DPY19L1: variants seen among roughly 807,000 people sequenced by gnomAD.
The protein encoded by DPY19L1 is protein C-mannosyl-transferase DPY19L1.
In DPY19L1, 35 loss-of-function variants were observed where a neutral mutation model predicts 96.9. The observed-to-expected ratio is 0.36, with a 90% CI of 0.28 to 0.48. The LOEUF is 0.48. Ranked by LOEUF, DPY19L1 falls within the 20% of genes least tolerant of loss-of-function variation. The probability of loss-of-function intolerance (pLI) is 0.99; values close to 1 mark genes in which losing one functional copy is unlikely to be tolerated. For synonymous variants in DPY19L1, 205 were observed against 252.6 expected (o/e 0.81, Z 1.79); for missense variants, 521 against 777.9 (o/e 0.67, Z 3.93).
chr7:35,011,702 A>G (rs767664202), intron 4 of DPY19L1, among the ~76,000 whole-genome samples: 1 of 152,216 alleles, frequency 6.6e-6, no homozygotes, highest in Non-Finnish European at 1.5e-5. Context: ...GTTTTTCAAA[A>G]GCTCTACAAC....
chr7:34,932,585 G>C (rs1355508505), intron 21 of DPY19L1, among the ~76,000 whole-genome samples: 1 of 152,122 alleles, frequency 6.6e-6, no homozygotes, highest in Non-Finnish European at 1.5e-5. Flanking sequence ...CGATATTCTA[G>C]AATGAATCAA....
At chr7:34,989,332 A>G (rs1785114410) in intron 7 of DPY19L1, among the ~76,000 whole-genome samples, 1 of 152,144 alleles carries the variant, frequency 6.6e-6, no homozygotes, top group South Asian at 2.1e-4. Context: ...TTGATACTTG[A>G]GGGCAGGCGT....
chr7:35,007,329 G>T (rs1465439709), intron 6 of DPY19L1, among the ~76,000 whole-genome samples: 2 of 152,186 alleles, frequency 1.3e-5, no homozygotes, highest in Non-Finnish European at 2.9e-5. Flanking sequence ...ATGAAAACAT[G>T]TGCTGCTAGT....
At chr7:34,933,785 G>C (rs1460441217) in intron 21 of DPY19L1, among the ~76,000 whole-genome samples, 1 of 152,174 alleles carries the variant, frequency 6.6e-6, no homozygotes, top group Non-Finnish European at 1.5e-5. Flanking sequence ...TGGTTTGCCA[G>C]GGGACCTTGG....
At chr7:34,983,718 TGA>T (rs1412258916) in intron 7 of DPY19L1, among the ~76,000 whole-genome samples, 23 of 151,316 alleles carry the variant, frequency 1.5e-4, no homozygotes, top group East Asian at 5.8e-4. Flanking sequence ...CAAAAATCTG[TGA>T]GATAGTATTT....
chr7:34,961,223 C>G (rs569629720), intron 10 of DPY19L1, among the ~76,000 whole-genome samples: 1 of 152,282 alleles, frequency 6.6e-6, no homozygotes, highest in East Asian at 1.9e-4. Flanking sequence ...AGTCAGAGGA[C>G]TGACACTACC....
chr7:34,990,249 T>A (rs1173344883), intron 6 of DPY19L1, among the ~76,000 whole-genome samples: 1 of 152,200 alleles, frequency 6.6e-6, no homozygotes, highest in African/African-American at 2.4e-5. Context: ...CTGATATTTC[T>A]TTTTATTTTC....
At chr7:35,016,460 CTA>C (rs1265287981) in intron 3 of DPY19L1, among the ~76,000 whole-genome samples, 1 of 152,130 alleles carries the variant, frequency 6.6e-6, no homozygotes, top group Non-Finnish European at 1.5e-5. Context: ...TGACTTTCCT[CTA>C]TGATATACCT....
chr7:35,001,992 G>A (rs1785437145), intron 6 of DPY19L1, among the ~76,000 whole-genome samples: 1 of 151,882 alleles, frequency 6.6e-6, no homozygotes, highest in Non-Finnish European at 1.5e-5. Flanking sequence ...GGGTGTGGTG[G>A]TGCGTGCCTG....
intron 7 of DPY19L1, among the ~76,000 whole-genome samples, chr7:34,975,975 G>A (rs1232702857): frequency 1.3e-5 from 2 of 152,170 alleles, no homozygotes; most frequent in Non-Finnish European, 2.9e-5. Flanking sequence ...GTGCTCGGGT[G>A]GAGACGGATG....
In DPY19L1 at chr7:34,992,313, C is replaced by T. The variant is rs59468832; in HGVS notation, c.765-2372G>A. Among the ~76,000 whole-genome samples, 1,041 of 152,154 alleles carry T rather than the reference C, an allele frequency of 6.8e-3. 13 individuals are homozygous for T. Among genetic ancestry groups the T allele is most frequent in the African/African-American group, 0.024 (996 of 41,492 alleles). On this transcript the variant is annotated intron_variant, in intron 6 of 21. Transcript: ENST00000638088. ...GTCTATTTTTCTATTTGACTGTTCC[C>T]TACTTAAAAATTAAGGTTATCAAAC...
intron 6 of DPY19L1, 90 bp from the exon 7 acceptor site, chr7:34,990,031 ATTATATAAGAT>A: frequency 1.0e-6 from 1 of 968,294 alleles, no homozygotes; most frequent in Non-Finnish European, 1.5e-6. Flanking sequence ...AACCACTGGT[ATTATATAAGAT>A]TTTATAGTCA....
At chr7:35,028,930 A>C (rs1345851752) in intron 1 of DPY19L1, among the ~76,000 whole-genome samples, 4 of 152,208 alleles carry the variant, frequency 2.6e-5, no homozygotes, top group African/African-American at 9.7e-5. Flanking sequence ...TAGCATGCTA[A>C]TGTATTACAG....
intron 6 of DPY19L1, among the ~76,000 whole-genome samples, chr7:34,991,034 C>G (rs1162086980): frequency 6.6e-6 from 1 of 152,170 alleles, no homozygotes; most frequent in Non-Finnish European, 1.5e-5. Flanking sequence ...GGCTGGGACC[C>G]CAGCACAGGT....
At chr7:35,001,387 CA>C (rs915815869) in intron 6 of DPY19L1, among the ~76,000 whole-genome samples, 15 of 152,104 alleles carry the variant, frequency 9.9e-5, no homozygotes, top group African/African-American at 3.4e-4. Context: ...TTTATTCAAT[CA>C]AAAAATATTT....
intron 3 of DPY19L1, among the ~76,000 whole-genome samples, chr7:35,015,107 C>A (rs1584256731): frequency 6.6e-6 from 1 of 152,158 alleles, no homozygotes; most frequent in Non-Finnish European, 1.5e-5. Flanking sequence ...TAGCTTGTTG[C>A]ACTTCTTTAT....
chr7:35,030,155 C>T (rs147389075), intron 1 of DPY19L1, among the ~76,000 whole-genome samples: 7 of 152,164 alleles, frequency 4.6e-5, no homozygotes, highest in Admixed American at 2.0e-4. Context: ...TATGAAAACC[C>T]GCAGAAAAAG....
chr7:34,957,318 T>C (rs1405525804), intron 11 of DPY19L1, among the ~76,000 whole-genome samples: 1 of 151,524 alleles, frequency 6.6e-6, no homozygotes, highest in Non-Finnish European at 1.5e-5. Context: ...GGAGGCGGAG[T>C]GAGCCAAGAT....
chr7:34,975,798 T>C (rs1373160444), intron 7 of DPY19L1, among the ~76,000 whole-genome samples: 2 of 152,116 alleles, frequency 1.3e-5, no homozygotes, highest in Non-Finnish European at 2.9e-5. Flanking sequence ...TTACACTAAA[T>C]ATACTCTGCA....
Sources: gnomAD v4.1 joint callset for allele counts (sites outside exome capture counted in the v4.1 genomes callset) on GRCh38, gnomAD v4.1.1 for gene constraint, MANE v1.5 for transcripts, NCBI Gene and HGNC (gene_info 2026-07-23, HGNC 2026-07-21) for gene names.